Variants in KCNB2 observed in about 807,000 individuals in gnomAD.
The protein encoded by KCNB2 is potassium voltage-gated channel subfamily B member 2, also known as delayed rectifier potassium channel protein.
In KCNB2, 15 loss-of-function variants were observed where a neutral mutation model predicts 61.5. The ratio of observed to expected loss-of-function variants is 0.24; its 90% confidence interval spans 0.16 to 0.38. The LOEUF (loss-of-function observed/expected upper bound fraction) is 0.38, where lower values mean the gene tolerates loss of function less well. Among genes scored for constraint, KCNB2 ranks in the 10% least tolerant of loss-of-function variants. The pLI is 1.00. For synonymous variants in KCNB2, 457 were observed against 446.0 expected, an observed-to-expected ratio of 1.02 and a Z score of -0.31; for missense variants, 828 against 1,125.2, an observed-to-expected ratio of 0.74 and a Z score of 3.78.
intron 2 of KCNB2, among the ~76,000 whole-genome samples, chr8:72,618,531 C>T (rs375673323): frequency 3.8e-4 from 57 of 151,908 alleles, no homozygotes; most frequent in African/African-American, 1.3e-3. Context: ...TATTTTAATA[C>T]GAACATTGTA....
intron 2 of KCNB2, among the ~76,000 whole-genome samples, chr8:72,852,079 T>TAAA (rs66807872): frequency 6.6e-6 from 1 of 151,432 alleles, no homozygotes. Context: ...TAAAAAAATT[T>TAAA]AAAAAATAAA....
intron 2 of KCNB2, among the ~76,000 whole-genome samples, chr8:72,733,140 G>C (rs1807779741): frequency 1.3e-5 from 2 of 152,168 alleles, no homozygotes; most frequent in Non-Finnish European, 2.9e-5. Flanking sequence ...TTGTTATTTA[G>C]TCTGAGCAGA....
chr8:72,715,839 CA>C (rs1399475751), intron 2 of KCNB2, among the ~76,000 whole-genome samples: 4 of 152,014 alleles, frequency 2.6e-5, no homozygotes, highest in African/African-American at 9.7e-5. Flanking sequence ...GACAGAGACA[CA>C]AAAAACCTTT....
intron 2 of KCNB2, among the ~76,000 whole-genome samples, chr8:72,760,617 A>C (rs1232974844): frequency 1.4e-4 from 22 of 152,224 alleles, no homozygotes; most frequent in Admixed American, 6.5e-5. Flanking sequence ...TTTGATACAA[A>C]ATGAAATTTA....
intron 2 of KCNB2, among the ~76,000 whole-genome samples, chr8:72,671,290 C>A (rs1806560380): frequency 6.6e-6 from 1 of 152,124 alleles, no homozygotes; most frequent in Admixed American, 6.5e-5. Flanking sequence ...TGTAGATGTA[C>A]AAATACTCTT....
intron 2 of KCNB2, among the ~76,000 whole-genome samples, chr8:72,636,064 C>A (rs2128985324): frequency 1.3e-5 from 2 of 151,996 alleles, no homozygotes; most frequent in South Asian, 4.2e-4. Context: ...TATAAATGTG[C>A]CGGGAAGGTT....
chr8:72,662,939 G>T (rs1293995111), intron 2 of KCNB2, among the ~76,000 whole-genome samples: 3 of 152,170 alleles, frequency 2.0e-5, no homozygotes, highest in Non-Finnish European at 4.4e-5. Flanking sequence ...TGACATAGAA[G>T]TCTTCAGAAA....
intron 2 of KCNB2, among the ~76,000 whole-genome samples, chr8:72,752,286 T>G (rs1808203791): frequency 6.6e-6 from 1 of 152,230 alleles, no homozygotes; most frequent in Non-Finnish European, 1.5e-5. Context: ...TAATTTCATG[T>G]GTCACCTTGA....
intron 2 of KCNB2, among the ~76,000 whole-genome samples, chr8:72,892,390 T>C (rs980742630): frequency 2.6e-5 from 4 of 152,068 alleles, no homozygotes; most frequent in Non-Finnish European, 4.4e-5. Flanking sequence ...CCACAGAAAG[T>C]CAAAAATGAC....
At chr8:72,660,031 C>G (rs1282821643) in intron 2 of KCNB2, among the ~76,000 whole-genome samples, 1 of 152,174 alleles carries the variant, frequency 6.6e-6, no homozygotes, top group Non-Finnish European at 1.5e-5. Flanking sequence ...TTTAAATACT[C>G]TAATTATAAA....
intron 2 of KCNB2, among the ~76,000 whole-genome samples, chr8:72,820,211 G>A (rs1809473196): frequency 6.6e-6 from 1 of 152,090 alleles, no homozygotes; most frequent in African/African-American, 2.4e-5. Flanking sequence ...TCTTTGCATG[G>A]CTACTTTTGC....
rs549963717 is a variant in KCNB2 at position 72,685,578 on chromosome 8, A to T, written c.579+117265A>T. Among the ~76,000 whole-genome samples, 3 of 152,278 alleles carry T rather than the reference A, an allele frequency of 2.0e-5. No individual in the cohort carries two copies. In the South Asian group the frequency reaches 6.2e-4, roughly 32 times the overall value. On this transcript the variant is annotated intron_variant, in intron 2 of 2. Transcript: ENST00000523207. ...TGGGAACGAGTAACAAGCCTACCTA[A>T]CTAAATGTAGGGGTCAAAGAAGGTA...
chr8:72,718,378 A>C (rs989356569), intron 2 of KCNB2, among the ~76,000 whole-genome samples: 1 of 152,184 alleles, frequency 6.6e-6, no homozygotes, highest in Non-Finnish European at 1.5e-5. Context: ...TGTTTATTGC[A>C]GCATTATTCA....
chr8:72,915,367 G>T (rs1364998563), intron 2 of KCNB2, among the ~76,000 whole-genome samples: 1 of 152,126 alleles, frequency 6.6e-6, no homozygotes, highest in Non-Finnish European at 1.5e-5. Flanking sequence ...GGAGGCACTT[G>T]AACCAGTTAG....
chr8:72,930,025 C>T (rs546937344), intron 2 of KCNB2, among the ~76,000 whole-genome samples: 2 of 147,136 alleles, frequency 1.4e-5, no homozygotes, highest in African/African-American at 5.0e-5. Flanking sequence ...GTTCAATTCC[C>T]ACCTATGAGT....
At chr8:72,556,860 T>G (rs1261012971) in intron 1 of KCNB2, among the ~76,000 whole-genome samples, 1 of 152,082 alleles carries the variant, frequency 6.6e-6, no homozygotes, top group East Asian at 1.9e-4. Context: ...TTAGACGAGG[T>G]AACTTATGAA....
chr8:72,537,240 C>G lies in KCNB2; in HGVS notation c.-739C>G, dbSNP rs532278378. On this transcript the variant is annotated 5_prime_UTR_variant, in exon 1 of 3. Transcript: ENST00000523207. ...TGGGGTGGCCGCAGCCCTGTGTGCG[C>G]GCCGGGCCGGCTAGCTGCGGGGCGG... Among the ~76,000 whole-genome samples, 1 of 151,236 alleles carries G rather than the reference C, an allele frequency of 6.6e-6. No individual in the cohort carries two copies. The highest frequency in any genetic ancestry group is 2.1e-4 in the South Asian group (1 of 4,832).
chr8:72,850,108 G>A lies in KCNB2; in HGVS notation c.580-85827G>A, dbSNP rs1310550081. 2.0e-5 allele frequency among the ~76,000 whole-genome samples: 3 copies of A among 152,016 alleles called. No homozygotes were observed. The East Asian group carries it at 5.8e-4, about 29-fold the overall frequency. ...TAACAGGAAATTTTCAGGGATGTTT[G>A]TATATAGATCTAATTTTGCATAATT... is the stretch of plus-strand genomic sequence containing the variant. On this transcript the variant is annotated intron_variant, in intron 2 of 2. Transcript: ENST00000523207.
intron 2 of KCNB2, among the ~76,000 whole-genome samples, chr8:72,884,728 A>G (rs888316562): frequency 1.3e-5 from 2 of 152,070 alleles, no homozygotes; most frequent in African/African-American, 2.4e-5. Context: ...ATTTTCATGT[A>G]TGTTTGCGAC....
Sources: gnomAD v4.1 joint callset for allele counts (sites outside exome capture counted in the v4.1 genomes callset) on GRCh38, gnomAD v4.1.1 for gene constraint, MANE v1.5 for transcripts, NCBI Gene and HGNC (gene_info 2026-07-23, HGNC 2026-07-21) for gene names.